ZNF385D: variants seen among roughly 807,000 people sequenced by gnomAD.
The protein encoded by ZNF385D is zinc finger protein 659.
A neutral mutation model predicts 35.8 loss-of-function variants in ZNF385D; 15 were observed. The observed-to-expected ratio is 0.42, with a 90% CI of 0.28 to 0.64. The LOEUF is 0.64. ZNF385D is among the 30% of genes least tolerant of loss of function. The pLI is 0.23. For missense variants in ZNF385D, 474 were observed against 494.6 expected (o/e 0.96, Z 0.39); for synonymous variants, 212 against 186.8 (o/e 1.13, Z -1.10).
intron 2 of ZNF385D, among the ~76,000 whole-genome samples, chr3:21,566,705 TATA>T (rs2063160381): frequency 6.6e-6 from 1 of 152,180 alleles, no homozygotes; most frequent in Non-Finnish European, 1.5e-5. Flanking sequence ...TTAGGTATTG[TATA>T]ATAATTTACA....
At chr3:22,219,473 T>A (rs559772753) in intron 2 of ZNF385D, among the ~76,000 whole-genome samples, 1 of 152,140 alleles carries the variant, frequency 6.6e-6, no homozygotes, top group Non-Finnish European at 1.5e-5. Context: ...CAGGGAATTA[T>A]CAGAAAGGTC....
At chr3:22,235,827 T>C (rs375315371) in intron 2 of ZNF385D, among the ~76,000 whole-genome samples, 16 of 152,108 alleles carry the variant, frequency 1.1e-4, no homozygotes, top group African/African-American at 3.9e-4. Flanking sequence ...GGTACTATCT[T>C]TTTGAAGGGT....
At chr3:21,885,905 G>A (rs1277972077) in intron 3 of ZNF385D, among the ~76,000 whole-genome samples, 1 of 151,948 alleles carries the variant, frequency 6.6e-6, no homozygotes, top group Non-Finnish European at 1.5e-5. Context: ...GTGGAGGTCA[G>A]TCTTTGTCTA....
chr3:22,296,581 T>C (rs1392526995), intron 2 of ZNF385D, among the ~76,000 whole-genome samples: 1 of 152,124 alleles, frequency 6.6e-6, no homozygotes, highest in Non-Finnish European at 1.5e-5. Context: ...AACTGAATTG[T>C]ACAAAGAGAA....
chr3:21,634,836 CA>C (rs1171054057), intron 2 of ZNF385D, among the ~76,000 whole-genome samples: 3 of 150,376 alleles, frequency 2.0e-5, no homozygotes, highest in Non-Finnish European at 3.0e-5. Flanking sequence ...TTTTGGATGG[CA>C]ATATTTTTCT....
chr3:22,365,650 G>A (rs1696624505), intron 2 of ZNF385D, among the ~76,000 whole-genome samples: 1 of 152,010 alleles, frequency 6.6e-6, no homozygotes. Flanking sequence ...GAATTCAAAG[G>A]TACAAGAAAA....
chr3:21,884,910 C>CTT lies in ZNF385D; in HGVS notation c.326-219884_326-219883dup, dbSNP rs11384250. Among the ~76,000 whole-genome samples the CTT allele has an allele frequency of 7.1e-3, 1,079 of 151,622 alleles. 8 individuals carry two copies. Among genetic ancestry groups the CTT allele is most frequent in the African/African-American group, 0.023 (952 of 41,380 alleles). ...ACCCTCAATCCAAAATTTATCTGCA[C>CTT]TTTTTTTTGTAAATAAAGTTTTTCA... On this transcript the variant is annotated intron_variant, in intron 3 of 5. Transcript: ENST00000494108.
Position 22,248,521 on chromosome 3 carries a change from A to G in ZNF385D, c.107-79486T>C, listed in dbSNP as rs919896100. Among the ~76,000 whole-genome samples, 4 of 152,206 alleles carry G rather than the reference A, an allele frequency of 2.6e-5. No homozygotes were observed. In the South Asian group the frequency reaches 8.3e-4, roughly 32 times the overall value. ...ATATACAATTTAGACAAAGTCCATTATGGAGAAGTAAAAATTGGGCCTCTC... is the reference window on the plus strand; with the variant it reads ...ATATACAATTTAGACAAAGTCCATTGTGGAGAAGTAAAAATTGGGCCTCTC... On this transcript the variant is annotated intron_variant, in intron 2 of 5. Transcript: ENST00000494108.
chr3:22,352,704 T>A (rs57865745), intron 2 of ZNF385D, among the ~76,000 whole-genome samples: 11,086 of 152,214 alleles, frequency 0.073, 675 homozygotes, highest in African/African-American at 0.16. Context: ...TAAGCAAATC[T>A]GAGTAATTCA....
rs556070132 is a variant in ZNF385D, at chr3:22,007,783, T to G, written c.325+161034A>C. ...AGCCATTTTTGTGTTTTATCTCAAC[T>G]GCCTTTTGATATGATATATATATTA... On this transcript the variant is annotated intron_variant, in intron 3 of 5. Coordinates refer to the ZNF385D transcript ENST00000494108. Among the ~76,000 whole-genome samples the G allele has an allele frequency of 8.6e-5, 13 of 151,614 alleles. No homozygotes were observed. The East Asian group carries it at 2.3e-3, about 27-fold the overall frequency.
At chr3:21,613,141 T>C (rs1385796783) in intron 2 of ZNF385D, among the ~76,000 whole-genome samples, 1 of 152,132 alleles carries the variant, frequency 6.6e-6, no homozygotes, top group African/African-American at 2.4e-5. Flanking sequence ...AGAATGTTCT[T>C]AGAAGTTATT....
In ZNF385D at chr3:21,744,427, C is replaced by T. The variant is rs189780822; in HGVS notation, c.22+6468G>A. Among the ~76,000 whole-genome samples, 303 of 152,284 alleles carry T rather than the reference C, an allele frequency of 2.0e-3. 1 individual carries two copies. The highest frequency in any genetic ancestry group is 6.9e-3 in the African/African-American group (286 of 41,580). On this transcript the variant is annotated intron_variant, in intron 1 of 7. Transcript: ENST00000281523. ...GAAGAGCAACTTTACTAAAGCCCTG[C>T]AAATTGTAGGCAAAATTGTATTCAT...
intron 1 of ZNF385D, among the ~76,000 whole-genome samples, chr3:21,749,663 A>G (rs964647151): frequency 6.6e-6 from 1 of 151,844 alleles, no homozygotes; most frequent in Non-Finnish European, 1.5e-5. Context: ...TTTCTTCCAA[A>G]TCATTTTCAG....
intron 3 of ZNF385D, among the ~76,000 whole-genome samples, chr3:22,039,278 C>T (rs1311210166): frequency 3.5e-4 from 49 of 141,652 alleles, no homozygotes; most frequent in Non-Finnish European, 6.1e-5. Flanking sequence ...AAAAAAGAGT[C>T]TATGTATAAG....
intron 3 of ZNF385D, among the ~76,000 whole-genome samples, chr3:22,033,310 G>A (rs1456288251): frequency 1.3e-5 from 2 of 151,810 alleles, no homozygotes; most frequent in African/African-American, 4.8e-5. Flanking sequence ...GCTGAGGCAT[G>A]AGAATAACTT....
chr3:21,543,216 C>G (rs163483), intron 3 of ZNF385D, among the ~76,000 whole-genome samples: 9 of 151,742 alleles, frequency 5.9e-5, no homozygotes, highest in African/African-American at 2.2e-4. Flanking sequence ...GGGGCTGAGG[C>G]AGGAGAATCA....
At chr3:21,907,180 A>G (rs259506) in intron 3 of ZNF385D, among the ~76,000 whole-genome samples, 25,431 of 152,084 alleles carry the variant, frequency 0.17, 2,431 homozygotes, top group African/African-American at 0.21. Flanking sequence ...TTTTTCTTAC[A>G]TTCCTTAATA....
intron 3 of ZNF385D, among the ~76,000 whole-genome samples, chr3:22,108,680 C>A (rs1702353032): frequency 2.0e-5 from 3 of 152,234 alleles, no homozygotes; most frequent in African/African-American, 4.8e-5. Context: ...TTTATAATTA[C>A]TTCACCAAGT....
chr3:22,031,154 C>G (rs1421376401), intron 3 of ZNF385D, among the ~76,000 whole-genome samples: 2 of 152,184 alleles, frequency 1.3e-5, no homozygotes, highest in African/African-American at 2.4e-5. Flanking sequence ...GTGCCTGCAG[C>G]TTTTCCAAGT....
Sources: allele counts gnomAD v4.1 joint callset (sites outside exome capture counted in the v4.1 genomes callset), GRCh38; gene constraint gnomAD v4.1.1; transcripts MANE v1.5; gene names NCBI Gene and HGNC (gene_info 2026-07-23, HGNC 2026-07-21).